The following SYNM variants were observed in gnomAD, a reference collection of about 807,000 sequenced individuals.
The protein encoded by SYNM is desmuslin.
In SYNM, 95 loss-of-function variants were observed where a neutral mutation model predicts 104.0. The observed-to-expected ratio is 0.91, with a 90% CI of 0.77 to 1.08. The LOEUF (loss-of-function observed/expected upper bound fraction) is 1.08. SYNM is among the 50% of genes least tolerant of loss of function. The pLI, the probability that SYNM is intolerant of heterozygous loss-of-function variation, is 0.00. For synonymous variants in SYNM, 918 were observed against 869.0 expected (o/e 1.06, Z -0.99); for missense variants, 2,150 against 2,052.2 (o/e 1.05, Z -0.92).
At position 99,105,352 on chromosome 15, in the gene SYNM, C is replaced by T. The variant is rs1290820592; in HGVS notation, c.153C>T (p.Gly51=). The T allele has an allele frequency of 2.6e-6, 4 of 1,535,938 alleles. No homozygotes were observed. The African/African-American group carries it at 5.5e-5, about 21-fold the overall frequency. The change falls in exon 1 of 4, where the codon GGC becomes GGT. Residue 51 remains glycine, a synonymous_variant. Transcript: ENST00000336292. ...EELRGRRGRE[G]LWAEGQARCA... is the part of the protein sequence containing the mutation. ...TGCGCGGCCGGCGCGGGCGAGAGGG[C>T]CTGTGGGCCGAGGGGCAGGCCCGCT...
chr15:99,118,604 G>C (rs1156284837), intron 2 of SYNM, among the ~76,000 whole-genome samples: 3 of 152,172 alleles, frequency 2.0e-5, no homozygotes, highest in Admixed American at 2.0e-4. Context: ...CTAGGTGACT[G>C]TCACAGGGAA....
intron 2 of SYNM, among the ~76,000 whole-genome samples, chr15:99,125,990 G>A (rs1289510446): frequency 1.3e-5 from 2 of 152,148 alleles, no homozygotes; most frequent in Non-Finnish European, 2.9e-5. Flanking sequence ...GAACTTTGGC[G>A]CAGACATAGT....
At chr15:99,139,307 G>A (rs782692506), downstream of SYNM, 24 of 1,610,504 alleles carry the variant, frequency 1.5e-5, no homozygotes, top group Middle Eastern at 3.3e-4. Flanking sequence ...TGTGAGGGAC[G>A]CCAACTCACG....
At chr15:99,123,815 A>G (rs1328469577) in intron 2 of SYNM, among the ~76,000 whole-genome samples, 2 of 152,256 alleles carry the variant, frequency 1.3e-5, no homozygotes, top group Non-Finnish European at 2.9e-5. Flanking sequence ...TGCACAGAGC[A>G]GTGGCCTTGT....
chr15:99,129,281 T>TG lies in SYNM; in HGVS notation c.1007-83dup. ...ACAGTGTATATTTATTATGATGGAA[T>TG]GGGATTTGGCCTGCAACAATGCTTG... On this transcript the variant is annotated intron_variant, in intron 3 of 3. Transcript: ENST00000336292. 4.6e-6 allele frequency: 7 copies of TG among 1,519,446 alleles called. No individual in the cohort carries two copies. In the South Asian group the frequency reaches 8.8e-5, roughly 19 times the overall value. The allele number at this position is 1,519,446 out of a possible 1,614,324, so 94.1% of individuals were successfully genotyped here. A position where few individuals can be genotyped will look rare whatever the true frequency, so the allele number is the denominator to read the frequency against.
chr15:99,129,696 C>A lies in SYNM; in HGVS notation c.1336C>A (p.Pro446Thr). 1 of 1,613,824 alleles carries A rather than the reference C, an allele frequency of 6.2e-7. No homozygotes were observed. Among genetic ancestry groups the A allele is most frequent in the Non-Finnish European group, 8.5e-7 (1 of 1,179,888 alleles). Residue 446 changes from proline (P) to threonine (T), a missense_variant, in exon 4 of 4, where the codon CCT (proline) becomes ACT (threonine). By Grantham distance (38) the Pro-to-Thr change is conservative. Transcript: ENST00000336292. ...TACTGAGGCTCAAGTGAAAACATTC[C>A]CTGACAGACCAAAAGCCGGAGATAC... is the stretch of plus-strand genomic sequence containing the variant. ...RNTEAQVKTF[P>T]DRPKAGDTRE...
chr15:99,132,473 C>T lies in SYNM; in HGVS notation c.4113C>T (p.Thr1371=), dbSNP rs782610863. 3 of 1,614,008 alleles carry T rather than the reference C, an allele frequency of 1.9e-6. No individual in the cohort carries two copies. The highest frequency in any genetic ancestry group is 4.5e-5 in the East Asian group (2 of 44,892). Residue 1371 remains threonine (T), a synonymous_variant, in exon 4 of 4, where the codon ACC becomes ACT. Coordinates refer to ENST00000336292, the MANE Select transcript of SYNM (RefSeq NM_145728.3). ...AAACCGTTATGACTGAAAAGAGCACCTTCCAAAGTGTCGTTTCTGAATCTC... is the reference window on the plus strand; with the variant it reads ...AAACCGTTATGACTGAAAAGAGCACTTTCCAAAGTGTCGTTTCTGAATCTC... The part of the protein sequence containing the change: ...GRQTVMTEKS[T]FQSVVSESPQ...
At chr15:99,112,897 G>C (rs1555483549) in intron 1 of SYNM, among the ~76,000 whole-genome samples, 10 of 152,088 alleles carry the variant, frequency 6.6e-5, no homozygotes, top group Non-Finnish European at 1.5e-4. Flanking sequence ...TTTCAGTAGA[G>C]ACAGGGTTTT....
chr15:99,132,958 A>T lies in SYNM; in HGVS notation c.4598A>T (p.Gln1533Leu). ...ATGTTTGATAAGAAGGTGCAGCTCC[A>T]GAGAATGGTAGACCAAAGGTCGGTG... ...QAMFDKKVQL[Q>L]RMVDQRSVIS... The change falls in exon 4 of 4, where the codon CAG (glutamine) becomes CTG (leucine). Residue 1533 changes from glutamine to leucine, a missense_variant. Physicochemically the swap from Gln to Leu is moderately radical, Grantham distance 113. Transcript: ENST00000336292. The T allele has an allele frequency of 6.2e-7, 1 of 1,613,914 alleles. No individual in the cohort carries two copies. Among genetic ancestry groups the T allele is most frequent in the East Asian group, 2.2e-5 (1 of 44,874 alleles).
At chr15:99,114,745 G>A (rs1310249522) in intron 2 of SYNM, among the ~76,000 whole-genome samples, 1 of 149,782 alleles carries the variant, frequency 6.7e-6, no homozygotes, top group Admixed American at 6.7e-5. Context: ...CCTGCAGGCC[G>A]GCGGAACAGT....
Position 99,133,724 on chromosome 15 carries a change from A to G in SYNM, c.*666A>G, listed in dbSNP as rs1247497151. On this transcript the variant is annotated 3_prime_UTR_variant, in exon 4 of 4. Transcript: ENST00000336292. The stretch of plus-strand genomic sequence containing the variant: ...GCTGTAGTCTGTTGTGATATTTCAC[A>G]TTCTATTTGCACAGGTTCCCTGGCA... 6.5e-6 allele frequency: 1 copy of G among 153,280 alleles called. No individual in the cohort carries two copies. The highest frequency in any genetic ancestry group is 1.5e-5 in the Non-Finnish European group (1 of 68,534). The allele number at this position is 153,280 out of a possible 1,614,324, so 9.5% of individuals were successfully genotyped here.
At chr15:99,109,834 C>T (rs550429794) in intron 1 of SYNM, among the ~76,000 whole-genome samples, 8 of 152,232 alleles carry the variant, frequency 5.3e-5, no homozygotes, top group Non-Finnish European at 1.0e-4. Context: ...GCCAGGCTGC[C>T]GGTGTGGCTA....
chr15:99,114,402 C>T (rs2067327776), intron 2 of SYNM, among the ~76,000 whole-genome samples: 1 of 151,972 alleles, frequency 6.6e-6, no homozygotes, highest in Non-Finnish European at 1.5e-5. Flanking sequence ...GTCCCTCCCT[C>T]AACACGTGGG....
At chr15:99,118,008 A>G (rs1555484128) in intron 2 of SYNM, among the ~76,000 whole-genome samples, 2 of 152,112 alleles carry the variant, frequency 1.3e-5, no homozygotes, top group East Asian at 3.9e-4. Flanking sequence ...CTGCTGTCCA[A>G]GTTTGCATGG....
chr15:99,106,019 C>G lies in SYNM; in HGVS notation c.810+10C>G. The G allele has an allele frequency of 6.9e-7, 1 of 1,438,966 alleles. No homozygotes were observed. Among genetic ancestry groups the G allele is most frequent in the Non-Finnish European group, 9.1e-7 (1 of 1,101,618 alleles). 89.1% of individuals were successfully genotyped at this position (1,438,966 alleles called of 1,614,324 possible). Reference sequence around the variant, plus strand: ...GGCCGAGGAGCGGCAGGTCCGTGCGCGGGGATGGCGCGCTGACCCCATACC... The same window carrying G: ...GGCCGAGGAGCGGCAGGTCCGTGCGGGGGGATGGCGCGCTGACCCCATACC... On this transcript the variant is annotated intron_variant, in intron 1 of 3. Coordinates refer to ENST00000336292, the MANE Select transcript of SYNM (RefSeq NM_145728.3).
rs782049192 is a variant in SYNM, at chr15:99,105,878, A to G, written c.679A>G (p.Thr227Ala). The change falls in exon 1 of 4, where the codon ACG becomes GCG. Residue 227 changes from threonine (T) to alanine (A), a missense_variant. By Grantham distance (58) the Thr-to-Ala change is moderately conservative (BLOSUM62 0). Transcript: ENST00000336292. ...QESRLQAEEE[T>A]RLCAQEAEAL... is the part of the protein sequence containing the mutation. ...GAGCAGACTCCAGGCGGAGGAAGAG[A>G]CGCGGCTGTGCGCGCAGGAGGCAGA... is the stretch of plus-strand genomic sequence containing the variant. The G allele has an allele frequency of 4.2e-5, 64 of 1,538,508 alleles. No homozygotes were observed. The Admixed American group carries it at 7.7e-4, about 18-fold the overall frequency.
At chr15:99,128,483 T>C (rs1291071312) in intron 3 of SYNM, among the ~76,000 whole-genome samples, 3 of 152,232 alleles carry the variant, frequency 2.0e-5, no homozygotes, top group Admixed American at 2.0e-4. Context: ...CTTTCCTGTA[T>C]CTTGGGATCT....
chr15:99,113,429 A>G (rs575365901), intron 1 of SYNM, among the ~76,000 whole-genome samples, 162 bp from the exon 2 acceptor site: 1 of 152,214 alleles, frequency 6.6e-6, no homozygotes, highest in Non-Finnish European at 1.5e-5. Flanking sequence ...CAACATTGGA[A>G]ACCATCCTGC....
chr15:99,138,276 G>A, downstream of SYNM: 2 of 909,952 alleles, frequency 2.2e-6, no homozygotes, highest in East Asian at 2.6e-5. Flanking sequence ...GTAGCACAGA[G>A]CATAAAACAT....
Sources: allele counts gnomAD v4.1 joint callset (sites outside exome capture counted in the v4.1 genomes callset), GRCh38; gene constraint gnomAD v4.1.1; transcripts MANE v1.5; gene names NCBI Gene and HGNC (gene_info 2026-07-23, HGNC 2026-07-21).